AGAP1: variants seen among roughly 807,000 people sequenced by gnomAD.
The protein encoded by AGAP1 is arf-GAP with GTPase, ANK repeat and PH domain-containing protein 1.
Under a neutral mutation model 105.3 loss-of-function variants are expected in AGAP1, and 29 were observed. The observed-to-expected ratio is 0.28, with a 90% CI of 0.21 to 0.38. The LOEUF (loss-of-function observed/expected upper bound fraction) is 0.38, where lower values mean the gene tolerates loss of function less well. Ranked by LOEUF, AGAP1 falls within the 10% of genes least tolerant of loss-of-function variation. AGAP1 has a pLI of 1.00. For synonymous variants in AGAP1, 509 were observed against 485.9 expected (o/e 1.05, Z -0.63); for missense variants, 998 against 1,165.1 (o/e 0.86, Z 2.09).
intron 1 of AGAP1, among the ~76,000 whole-genome samples, chr2:235,588,652 T>G (rs1482654457): frequency 6.6e-6 from 1 of 152,212 alleles, no homozygotes; most frequent in Non-Finnish European, 1.5e-5. Context: ...TTGGAAAAAT[T>G]TCTGAATTTT....
At chr2:235,966,356 T>TGGA (rs756246370) in intron 12 of AGAP1, among the ~76,000 whole-genome samples, 18 of 151,440 alleles carry the variant, frequency 1.2e-4, no homozygotes, top group Non-Finnish European at 2.1e-4. Flanking sequence ...CCTCTAAGGA[T>TGGA]GGAGGAGAGG....
In AGAP1 at chr2:235,703,423, C is replaced by T. The variant is rs139072378; in HGVS notation, c.164-5756C>T. ...TCAATTCCTGCTCTTTAATCCTACC[C>T]CCAAAGGTAATAGGAGAGCTTCCTC... On this transcript the variant is annotated intron_variant, in intron 1 of 17. Transcript: ENST00000304032. 6.5e-4 allele frequency among the ~76,000 whole-genome samples: 99 copies of T among 152,140 alleles called. No individual in the cohort carries two copies. In the East Asian group the frequency reaches 0.017, roughly 26 times the overall value.
In AGAP1 at chr2:236,062,133, T is replaced by C. The variant is rs2058214310; in HGVS notation, c.2114+12852T>C. On this transcript the variant is annotated intron_variant, in intron 16 of 17. Coordinates refer to ENST00000304032, the MANE Select transcript of AGAP1 (RefSeq NM_001037131.3). This position sits in a 1 kb window ranked among gnomAD's most constrained non-coding sequence, Gnocchi z 4.2. ...GCGAGAGCAGGTGGAAGGTGGTGCC[T>C]ATGTCCAGGGGAGCAAGTGAGCCTG... 6.6e-6 allele frequency among the ~76,000 whole-genome samples: 1 copy of C among 152,148 alleles called. No homozygotes were observed. Among genetic ancestry groups the C allele is most frequent in the African/African-American group, 2.4e-5 (1 of 41,448 alleles).
chr2:236,029,134 C>T (rs1298349689), intron 13 of AGAP1, among the ~76,000 whole-genome samples: 2 of 152,012 alleles, frequency 1.3e-5, no homozygotes, highest in Non-Finnish European at 2.9e-5. Flanking sequence ...TGACCTTTCC[C>T]ATGGTAGACA....
chr2:235,709,684 T>C lies in AGAP1; in HGVS notation c.222+447T>C, dbSNP rs571573499. On this transcript the variant is annotated intron_variant, in intron 2 of 17. Coordinates refer to ENST00000304032, the MANE Select transcript of AGAP1 (RefSeq NM_001037131.3). ...CACCAAGCTTTGGTATCCATCATTT[T>C]TGAAATGTGACTATTTACCCTGTGA... Among the ~76,000 whole-genome samples the C allele has an allele frequency of 5.3e-5, 8 of 152,348 alleles. No homozygotes were observed. The South Asian group carries it at 1.7e-3, about 32-fold the overall frequency.
intron 1 of AGAP1, among the ~76,000 whole-genome samples, chr2:235,636,771 C>T (rs1035162238): frequency 1.3e-5 from 2 of 152,082 alleles, no homozygotes; most frequent in African/African-American, 4.8e-5. Flanking sequence ...ATAAGGTCGT[C>T]GCAGATGTAA....
intron 3 of AGAP1, among the ~76,000 whole-genome samples, chr2:235,730,682 A>G (rs1951897755): frequency 6.6e-6 from 1 of 152,060 alleles, no homozygotes. Flanking sequence ...TAAAATATTA[A>G]AAATCATTTT....
In AGAP1 at chr2:235,893,330, G is replaced by A. The variant is rs138729380; in HGVS notation, c.1155+9881G>A. ...GCAGGTGTGCCGTGTCTGTGGCATG[G>A]GTGTGGCTTGTCTGTGGTGTGGGTG... On this transcript the variant is annotated intron_variant, in intron 10 of 17. Coordinates refer to ENST00000304032, the MANE Select transcript of AGAP1 (RefSeq NM_001037131.3). This position sits in a 1 kb window ranked among gnomAD's most constrained non-coding sequence, Gnocchi z 4.7. 6.6e-6 allele frequency among the ~76,000 whole-genome samples: 1 copy of A among 150,944 alleles called. No homozygotes were observed. Among genetic ancestry groups the A allele is most frequent in the East Asian group, 2.0e-4 (1 of 5,074 alleles).
intron 1 of AGAP1, among the ~76,000 whole-genome samples, chr2:235,640,183 C>T (rs10171030): frequency 0.043 from 6,532 of 152,312 alleles, 404 homozygotes; most frequent in African/African-American, 0.14. Context: ...CACTAGATTC[C>T]CAGATAGAGA....
intron 11 of AGAP1, among the ~76,000 whole-genome samples, chr2:235,917,732 G>A (rs1261771379): frequency 6.6e-6 from 1 of 152,172 alleles, no homozygotes; most frequent in Admixed American, 6.5e-5. Flanking sequence ...CAGTGACAAA[G>A]GTTTGATCTA....
chr2:235,990,989 G>A (rs1266528114), intron 13 of AGAP1, among the ~76,000 whole-genome samples: 1 of 152,210 alleles, frequency 6.6e-6, no homozygotes, highest in South Asian at 2.1e-4. Flanking sequence ...GCCCAGCAAA[G>A]GTGAGGCTGT....
Position 235,973,370 on chromosome 2 carries a change from G to A in AGAP1, c.1645+4747G>A, listed in dbSNP as rs968510960. On this transcript the variant is annotated intron_variant, in intron 13 of 17. Coordinates refer to ENST00000304032, the MANE Select transcript of AGAP1 (RefSeq NM_001037131.3). This position sits in a 1 kb window ranked among gnomAD's most constrained non-coding sequence, Gnocchi z 4.7. ...ACTGGAGAATCCCTTATCTTTTTGT[G>A]TATATTTTGGGTTCTGAGGATTACC... Among the ~76,000 whole-genome samples, 8 of 152,168 alleles carry A rather than the reference G, an allele frequency of 5.3e-5. No individual in the cohort carries two copies. Among genetic ancestry groups the A allele is most frequent in the African/African-American group, 1.9e-4 (8 of 41,452 alleles).
At chr2:235,709,971 T>C (rs1559381277) in intron 2 of AGAP1, among the ~76,000 whole-genome samples, 1 of 152,208 alleles carries the variant, frequency 6.6e-6, no homozygotes, top group Non-Finnish European at 1.5e-5. Context: ...TATGTCTAAT[T>C]TCCGTGTGTA....
chr2:235,915,718 A>C (rs1203063370), intron 11 of AGAP1, among the ~76,000 whole-genome samples: 1 of 152,210 alleles, frequency 6.6e-6, no homozygotes, highest in Non-Finnish European at 1.5e-5. Context: ...AAAAAGTTTT[A>C]TGAATAAAGA....
At chr2:235,823,154 G>C (rs923398660) in intron 9 of AGAP1, among the ~76,000 whole-genome samples, 1 of 152,140 alleles carries the variant, frequency 6.6e-6, no homozygotes, top group African/African-American at 2.4e-5. Flanking sequence ...TGTATAGTAT[G>C]TGTGTACATA....
rs1467060382 is a variant in AGAP1, at chr2:235,665,607, A to T, written c.164-43572A>T. Reference sequence around the variant, plus strand: ...AATTTGAGTCTTATGCTAAAAATATAAAAGTATTAATAAGACGTTACTGTC... The same window carrying T: ...AATTTGAGTCTTATGCTAAAAATATTAAAGTATTAATAAGACGTTACTGTC... On this transcript the variant is annotated intron_variant, in intron 1 of 17. Transcript: ENST00000304032. This position sits in a 1 kb window ranked among gnomAD's most constrained non-coding sequence, Gnocchi z 5.3. Among the ~76,000 whole-genome samples the T allele has an allele frequency of 2.0e-5, 3 of 152,216 alleles. No individual in the cohort carries two copies. The highest frequency in any genetic ancestry group is 4.4e-5 in the Non-Finnish European group (3 of 68,032).
At chr2:235,796,447 G>A (rs1957247255) in intron 6 of AGAP1, among the ~76,000 whole-genome samples, 1 of 152,150 alleles carries the variant, frequency 6.6e-6, no homozygotes, top group South Asian at 2.1e-4. Context: ...AAGGTTATGT[G>A]ATATCAATAC....
Position 235,963,781 on chromosome 2 carries a change from C to T in AGAP1, c.1484-4681C>T, listed in dbSNP as rs937051072. Among the ~76,000 whole-genome samples, 1 of 151,984 alleles carries T rather than the reference C, an allele frequency of 6.6e-6. No homozygotes were observed. The highest frequency in any genetic ancestry group is 1.9e-4 in the East Asian group (1 of 5,180). ...TCAGAACGGTCAAGCATAACTAAGG[C>T]GATAGTGAAGAGTAACAACACATAG... On this transcript the variant is annotated intron_variant, in intron 12 of 17. Coordinates refer to ENST00000304032, the MANE Select transcript of AGAP1 (RefSeq NM_001037131.3). The surrounding 1 kb of genome is among the most constrained non-coding windows in gnomAD (Gnocchi z 5.1).
At chr2:235,508,076 C>T (rs967831096) in intron 1 of AGAP1, among the ~76,000 whole-genome samples, 1 of 152,118 alleles carries the variant, frequency 6.6e-6, no homozygotes, top group Non-Finnish European at 1.5e-5. Context: ...TGATATTGGC[C>T]TCCAGCTCCA....
Sources: allele counts gnomAD v4.1 joint callset (sites outside exome capture counted in the v4.1 genomes callset), GRCh38; gene constraint gnomAD v4.1.1; non-coding constraint Gnocchi (gnomAD v3.1); transcripts MANE v1.5; gene names NCBI Gene and HGNC (gene_info 2026-07-23, HGNC 2026-07-21).